TGFA: variants seen among roughly 807,000 people sequenced by gnomAD.
TGFA encodes transforming growth factor alpha.
A neutral mutation model predicts 21.7 loss-of-function variants in TGFA; 12 were observed. That is an observed-to-expected ratio of 0.55 (90% CI 0.35 to 0.90). The LOEUF is 0.90. Among genes scored for constraint, TGFA ranks in the 40% least tolerant of loss-of-function variants. TGFA has a pLI of 0.01. For missense variants in TGFA, 178 were observed against 210.8 expected, an observed-to-expected ratio of 0.84 and a Z score of 0.96; for synonymous variants, 79 against 88.1, an observed-to-expected ratio of 0.90 and a Z score of 0.58.
intron 2 of TGFA, among the ~76,000 whole-genome samples, chr2:70,508,492 T>C (rs1672000759): frequency 2.0e-5 from 3 of 152,146 alleles, no homozygotes; most frequent in Admixed American, 2.0e-4. Context: ...GGGAATGTTA[T>C]AGGTCTAGAA....
chr2:70,483,493 T>C (rs1295062459), intron 2 of TGFA, among the ~76,000 whole-genome samples: 1 of 152,192 alleles, frequency 6.6e-6, no homozygotes, highest in Non-Finnish European at 1.5e-5. Context: ...ATCTGTGGTA[T>C]TAGGGGTCTT....
At chr2:70,491,495 T>C (rs546369518) in intron 2 of TGFA, among the ~76,000 whole-genome samples, 1 of 152,334 alleles carries the variant, frequency 6.6e-6, no homozygotes, top group Admixed American at 6.5e-5. Context: ...TGTGCTTCCA[T>C]GAGTCTCTGG....
At chr2:70,491,502 C>G (rs961542688) in intron 2 of TGFA, among the ~76,000 whole-genome samples, 4 of 152,248 alleles carry the variant, frequency 2.6e-5, no homozygotes, top group African/African-American at 7.2e-5. Context: ...CCATGAGTCT[C>G]TGGATTGTGA....
chr2:70,462,797 G>A (rs1467356170), intron 3 of TGFA, among the ~76,000 whole-genome samples: 3 of 152,158 alleles, frequency 2.0e-5, no homozygotes, highest in Non-Finnish European at 2.9e-5. Context: ...GTAAAGAGGT[G>A]TAATTGCTTG....
intron 2 of TGFA, among the ~76,000 whole-genome samples, chr2:70,469,339 T>A (rs766669429): frequency 1.3e-4 from 20 of 152,232 alleles, no homozygotes; most frequent in Middle Eastern, 3.4e-3. Flanking sequence ...TTAATTAATT[T>A]ATATTTTTAT....
At chr2:70,548,936 G>A (rs1462640856) in intron 1 of TGFA, among the ~76,000 whole-genome samples, 1 of 152,134 alleles carries the variant, frequency 6.6e-6, no homozygotes, top group Admixed American at 6.5e-5. Flanking sequence ...ACATTTCCTA[G>A]GGGGAAGAAA....
chr2:70,519,525 A>G (rs1296241017), intron 1 of TGFA, among the ~76,000 whole-genome samples: 2 of 152,218 alleles, frequency 1.3e-5, no homozygotes, highest in African/African-American at 4.8e-5. Context: ...TTAAGAAGGA[A>G]AAAGGGAAGG....
chr2:70,527,415 T>C (rs1672670813), intron 1 of TGFA, among the ~76,000 whole-genome samples: 1 of 152,168 alleles, frequency 6.6e-6, no homozygotes, highest in South Asian at 2.1e-4. Context: ...TGTAAAAAGA[T>C]CAGTAGTTGC....
chr2:70,459,050 G>A (rs555439349), intron 3 of TGFA, among the ~76,000 whole-genome samples: 2 of 152,298 alleles, frequency 1.3e-5, no homozygotes, highest in African/African-American at 4.8e-5. Context: ...ACCATAATGA[G>A]GATTTGCAGA....
At chr2:70,499,233 C>T (rs1671666204) in intron 2 of TGFA, among the ~76,000 whole-genome samples, 1 of 152,214 alleles carries the variant, frequency 6.6e-6, no homozygotes, top group South Asian at 2.1e-4. Flanking sequence ...TAGAGGCCTT[C>T]CCGGTCTCCT....
chr2:70,501,896 A>G (rs781995266), intron 2 of TGFA, among the ~76,000 whole-genome samples: 1 of 152,204 alleles, frequency 6.6e-6, no homozygotes, highest in African/African-American at 2.4e-5. Context: ...TTTGTATTTT[A>G]AAGAACAGTG....
intron 1 of TGFA, among the ~76,000 whole-genome samples, chr2:70,530,947 G>T (rs1553503653): frequency 6.6e-6 from 1 of 152,170 alleles, no homozygotes; most frequent in Non-Finnish European, 1.5e-5. Context: ...TGAGGCCCCA[G>T]GTCTCCACTT....
Position 70,465,642 on chromosome 2 carries a change from C to CA in TGFA, c.188dup (p.Leu63PhefsTer21), listed in dbSNP as rs1553492072. 1 of 1,614,132 alleles carries CA rather than the reference C, an allele frequency of 6.2e-7. No individual in the cohort carries two copies. Among genetic ancestry groups the CA allele is most frequent in the Non-Finnish European group, 8.5e-7 (1 of 1,180,010 alleles). ...CACATGCTGGCTTGTCCTCCTGCAC[C>CA]AAAAACCTGCAGGTTCCATGGAAGC... On this transcript the variant is annotated frameshift_variant, in exon 3 of 6. Transcript: ENST00000295400. LOFTEE classifies it high-confidence loss of function.
intron 1 of TGFA, among the ~76,000 whole-genome samples, chr2:70,545,382 C>T (rs1553505726): frequency 6.6e-6 from 1 of 152,110 alleles, no homozygotes; most frequent in Admixed American, 6.5e-5. Flanking sequence ...AAGTCTTGTG[C>T]GCTTAGTTCC....
chr2:70,502,949 A>G (rs1553499430), intron 2 of TGFA, among the ~76,000 whole-genome samples: 1 of 152,110 alleles, frequency 6.6e-6, no homozygotes, highest in Non-Finnish European at 1.5e-5. Flanking sequence ...CACATTACAG[A>G]TGGGGGACGG....
At chr2:70,509,006 G>A (rs1672014945) in intron 2 of TGFA, among the ~76,000 whole-genome samples, 1 of 152,196 alleles carries the variant, frequency 6.6e-6, no homozygotes, top group South Asian at 2.1e-4. Context: ...GGATGACAAG[G>A]ATAAATCTTG....
At chr2:70,532,865 CT>C (rs5832016) in intron 1 of TGFA, among the ~76,000 whole-genome samples, 78,491 of 144,970 alleles carry the variant, frequency 0.54, 21,110 homozygotes, top group Middle Eastern at 0.69. Flanking sequence ...TATTCTTTTT[CT>C]TTTTTTTTTT....
intron 1 of TGFA, among the ~76,000 whole-genome samples, chr2:70,525,826 T>G (rs1393487970): frequency 2.6e-5 from 4 of 151,982 alleles, no homozygotes; most frequent in Non-Finnish European, 5.9e-5. Flanking sequence ...TGGTGGGAGG[T>G]GCTTTCTGAC....
chr2:70,489,863 T>G (rs74454946), intron 2 of TGFA, among the ~76,000 whole-genome samples: 8,750 of 152,280 alleles, frequency 0.057, 306 homozygotes, highest in Middle Eastern at 0.13. Flanking sequence ...GAATCTGCAT[T>G]TTAACCAGGC....
Sources: allele counts gnomAD v4.1 joint callset (sites outside exome capture counted in the v4.1 genomes callset), GRCh38; gene constraint gnomAD v4.1.1; transcripts MANE v1.5; gene names NCBI Gene and HGNC (gene_info 2026-07-23, HGNC 2026-07-21).